Variants in APOL4 observed in about 807,000 individuals in gnomAD.
APOL4 encodes the protein apolipoprotein L4, also known as apolipoprotein L, 4.
Under a neutral mutation model 12.1 loss-of-function variants are expected in APOL4, and 14 were observed. The ratio of observed to expected loss-of-function variants is 1.16; its 90% CI spans 0.76 to 1.81. APOL4 has a LOEUF of 1.81. APOL4 is among the 40% of genes most tolerant of loss of function. The pLI is 0.00. For synonymous variants in APOL4, 171 were observed against 160.6 expected (o/e 1.06, Z -0.49); for missense variants, 432 against 423.1 (o/e 1.02, Z -0.18).
rs76902157 is a variant in APOL4, at chr22:36,200,840, T to A, written c.35+860A>T. Among the ~76,000 whole-genome samples, 300 of 152,330 alleles carry A rather than the reference T, an allele frequency of 2.0e-3. 1 individual carries two copies. The highest frequency in any genetic ancestry group is 3.3e-3 in the Non-Finnish European group (226 of 68,026). On this transcript the variant is annotated intron_variant, in intron 1 of 3. Transcript: ENST00000683024. ...CAGGACAAAAAATATATACACAACA[T>A]GTAAATTTGAGAACTAAATATCTTG...
intron 3 of APOL4, among the ~76,000 whole-genome samples, chr22:36,194,178 G>A (rs2014338237): frequency 6.6e-6 from 1 of 152,078 alleles, no homozygotes; most frequent in African/African-American, 2.4e-5. Flanking sequence ...CTGGAAGTTG[G>A]CCTGAAGAAA....
Position 36,191,620 on chromosome 22 carries a change from T to C in APOL4, c.502A>G (p.Ile168Val). The C allele has an allele frequency of 1.2e-6, 2 of 1,613,786 alleles. No homozygotes were observed. The highest frequency in any genetic ancestry group is 8.5e-7 in the Non-Finnish European group (1 of 1,179,760). The change falls in exon 4 of 4, where the codon ATT becomes GTT. Residue 168 changes from isoleucine to valine, a missense_variant. Physicochemically the swap from Ile to Val is conservative, Grantham distance 29. Transcript: ENST00000683024. The stretch of plus-strand genomic sequence containing the variant: ...CCCAGCCCTACCCCAGCTGCAGTAA[T>C]GCTCAGGCTCAGCCCTGCTGTAAAT... ...APFTAGLSLS[I>V]TAAGVGLGIA... is the part of the protein sequence containing the mutation.
intron 3 of APOL4, among the ~76,000 whole-genome samples, chr22:36,194,772 C>A (rs1179975134): frequency 1.3e-5 from 2 of 152,132 alleles, no homozygotes; most frequent in Admixed American, 1.3e-4. Flanking sequence ...TTGTGCAGTT[C>A]CTCAGAAGTT....
upstream of APOL4, among the ~76,000 whole-genome samples, chr22:36,203,204 G>C (rs762299438): frequency 1.8e-4 from 27 of 152,282 alleles, no homozygotes; most frequent in Non-Finnish European, 1.0e-4. Flanking sequence ...GCTCCTAGGC[G>C]GATCGGCAGG....
chr22:36,190,538 T>G lies in APOL4; in HGVS notation c.*537A>C, dbSNP rs1457908402. 1 of 157,374 alleles carries G rather than the reference T, an allele frequency of 6.4e-6. No homozygotes were observed. The highest frequency in any genetic ancestry group is 6.0e-5 in the Admixed American group (1 of 16,644). 9.7% of individuals were successfully genotyped at this position (157,374 alleles called of 1,614,324 possible). A position where few individuals can be genotyped will look rare whatever the true frequency, so the allele number is the denominator to read the frequency against. On this transcript the variant is annotated 3_prime_UTR_variant, in exon 4 of 4. Coordinates refer to ENST00000683024, the MANE Select transcript of APOL4 (RefSeq NM_001386885.1). ...AAGGAGGCCATTTATAGACCCACCC[T>G]CAGGGGTGCATTCTCTTTCTCAGGG...
At chr22:36,197,664 C>T (rs2014451090) in intron 2 of APOL4, 5 of 1,549,740 alleles carry the variant, frequency 3.2e-6, no homozygotes, top group African/African-American at 1.4e-5. Flanking sequence ...CACAGCTTAA[C>T]CTCGGCCAGT....
rs780300775 is a variant in APOL4, at chr22:36,191,648, T to G, written c.474A>C (p.Ala158=). The stretch of plus-strand genomic sequence containing the variant: ...TCAGGCTCAGCCCTGCTGTAAATGG[T>G]GCCAACATAACGCCAATGACAGACA... ...GILSVIGVML[A]PFTAGLSLSI... Residue 158 remains alanine (A), a synonymous_variant, in exon 4 of 4, where the codon GCA becomes GCC. Transcript: ENST00000683024. 3.7e-6 allele frequency: 6 copies of G among 1,613,848 alleles called. No homozygotes were observed. In the Admixed American group the frequency reaches 8.3e-5, roughly 22 times the overall value.
intron 2 of APOL4, chr22:36,197,896 C>T: frequency 6.7e-7 from 1 of 1,482,390 alleles, no homozygotes. Flanking sequence ...CTGGGTCTGA[C>T]CCACCTTTCA....
chr22:36,202,658 G>A (rs954989544), upstream of APOL4, among the ~76,000 whole-genome samples: 4 of 151,992 alleles, frequency 2.6e-5, no homozygotes, highest in East Asian at 3.9e-4. Context: ...CCCGGGAGGC[G>A]GAGCTTGCAG....
intron 3 of APOL4, among the ~76,000 whole-genome samples, chr22:36,194,055 A>G (rs2014334989): frequency 6.6e-6 from 1 of 152,212 alleles, no homozygotes. Flanking sequence ...TAATGCTGAA[A>G]AGACCTGCAT....
chr22:36,199,325 C>A lies in APOL4; in HGVS notation c.82+5G>T. The A allele has an allele frequency of 6.2e-7, 1 of 1,614,092 alleles. No homozygotes were observed. Among genetic ancestry groups the A allele is most frequent in the Non-Finnish European group, 8.5e-7 (1 of 1,179,940 alleles). On this transcript the variant is annotated splice_donor_5th_base_variant and intron_variant, in intron 2 of 3. Coordinates refer to ENST00000683024, the MANE Select transcript of APOL4 (RefSeq NM_001386885.1). ...TACCAGCAGCCAGGTCTCTGAAAGG[C>A]TTACCTTGGAACTGTCCAGCCACTG... is the stretch of plus-strand genomic sequence containing the variant.
In APOL4 at chr22:36,201,783, G is replaced by C. The variant is rs1406406918; in HGVS notation, c.-49C>G. The C allele has an allele frequency of 6.3e-7, 1 of 1,587,218 alleles. No homozygotes were observed. Among genetic ancestry groups the C allele is most frequent in the Non-Finnish European group, 8.6e-7 (1 of 1,166,444 alleles). On this transcript the variant is annotated 5_prime_UTR_variant, in exon 1 of 4. Transcript: ENST00000683024. ...GCTCAGACGCTGATCTGGGGCCTCTGCTGAATGTTGAGGCTGGATACTGAC... is the reference window on the plus strand; with the variant it reads ...GCTCAGACGCTGATCTGGGGCCTCTCCTGAATGTTGAGGCTGGATACTGAC...
At chr22:36,194,537 C>A (rs950382591) in intron 3 of APOL4, among the ~76,000 whole-genome samples, 2 of 152,190 alleles carry the variant, frequency 1.3e-5, no homozygotes, top group Non-Finnish European at 2.9e-5. Flanking sequence ...CGGCATCATG[C>A]TATTTGGTTC....
intron 2 of APOL4, among the ~76,000 whole-genome samples, chr22:36,197,012 G>A (rs1262051129): frequency 8.5e-5 from 13 of 152,248 alleles, no homozygotes. Context: ...ACTGATCCTT[G>A]TGGCCCCTCC....
In APOL4 at chr22:36,201,776, G is replaced by A. The variant is rs2014589055; in HGVS notation, c.-42C>T. ...TGGCCTGGCTCAGACGCTGATCTGG[G>A]GCCTCTGCTGAATGTTGAGGCTGGA... On this transcript the variant is annotated 5_prime_UTR_variant, in exon 1 of 4. Transcript: ENST00000683024. The A allele has an allele frequency of 3.8e-6, 6 of 1,591,812 alleles. No homozygotes were observed. The highest frequency in any genetic ancestry group is 3.4e-5 in the South Asian group (3 of 87,616).
upstream of APOL4, among the ~76,000 whole-genome samples, chr22:36,204,047 A>T (rs1396231822): frequency 6.6e-6 from 1 of 152,068 alleles, no homozygotes; most frequent in East Asian, 1.9e-4. Flanking sequence ...GCCTCCTGAC[A>T]CTGGACCCTG....
Position 36,191,205 on chromosome 22 carries a change from A to G in APOL4, c.917T>C (p.Val306Ala), listed in dbSNP as rs769118152. The G allele has an allele frequency of 1.1e-4, 174 of 1,613,824 alleles. No homozygotes were observed. Among genetic ancestry groups the G allele is most frequent in the Admixed American group, 2.2e-4 (13 of 60,002 alleles). ...CTTGTGCAAGTCCAGTGAGTCTTGC[A>G]CAAGGTTGACTACATCCAGCACAAC... ...VLVVLDVVNL[V>A]QDSLDLHKGA... is the part of the protein sequence containing the mutation. The change falls in exon 4 of 4, where the codon GTG becomes GCG. Residue 306 changes from valine to alanine, a missense_variant. Physicochemically the swap from Val to Ala is moderately conservative, Grantham distance 64 (BLOSUM62 0). Coordinates refer to ENST00000683024, the MANE Select transcript of APOL4 (RefSeq NM_001386885.1).
intron 2 of APOL4, among the ~76,000 whole-genome samples, chr22:36,198,151 C>T (rs1318063217): frequency 6.6e-6 from 1 of 152,202 alleles, no homozygotes; most frequent in Non-Finnish European, 1.5e-5. Context: ...TTCTGCTTTG[C>T]AATAAAAGCT....
chr22:36,195,769 C>T (rs13058263), intron 2 of APOL4, among the ~76,000 whole-genome samples: 16,823 of 99,566 alleles, frequency 0.17, 842 homozygotes, highest in Non-Finnish European at 0.18. Context: ...CTCTCTCTCT[C>T]TCTCTCTCAC....
Sources: allele counts gnomAD v4.1 joint callset (sites outside exome capture counted in the v4.1 genomes callset), GRCh38; gene constraint gnomAD v4.1.1; transcripts MANE v1.5; gene names NCBI Gene and HGNC (gene_info 2026-07-23, HGNC 2026-07-21).